Variants in MSN observed in about 807,000 individuals in gnomAD.
The protein encoded by MSN is moesin.
MSN carries 2 observed loss-of-function variants against 48.0 expected under a neutral mutation model. The observed-to-expected ratio is 0.04, with a 90% CI of 0.02 to 0.13. The LOEUF is 0.13. MSN is among the 10% of genes least tolerant of loss of function. The pLI, the probability that MSN is intolerant of heterozygous loss-of-function variation, is 1.00. For missense variants in MSN, 267 were observed against 470.1 expected, an observed-to-expected ratio of 0.57 and a Z score of 3.99; for synonymous variants, 146 against 166.9, an observed-to-expected ratio of 0.87 and a Z score of 0.97.
chrX:65,698,091 C>T (rs1210056891), intron 1 of MSN, among the ~76,000 whole-genome samples: 1 of 111,770 alleles, frequency 8.9e-6, no homozygotes, highest in African/African-American at 3.3e-5. Flanking sequence ...GGGCTGGGCC[C>T]CAGTCACAGG....
chrX:65,627,855 C>T (rs1352667859), intron 1 of MSN, among the ~76,000 whole-genome samples: 1 of 112,071 alleles, frequency 8.9e-6, no homozygotes, highest in East Asian at 2.8e-4. Context: ...AATGGTAGTA[C>T]AGGTATTGGG....
intron 1 of MSN, among the ~76,000 whole-genome samples, chrX:65,648,129 A>AG (rs2070708744): frequency 5.2e-5 from 3 of 57,277 alleles, no homozygotes; most frequent in African/African-American, 1.4e-4. Context: ...AAATGGCTGG[A>AG]GGGGGTGGGG....
At chrX:65,638,255 G>T (rs1247055797) in intron 1 of MSN, among the ~76,000 whole-genome samples, 1 of 112,262 alleles carries the variant, frequency 8.9e-6, no homozygotes, top group African/African-American at 3.2e-5. Flanking sequence ...TGGTCCCTCT[G>T]CCTAGAATGA....
chrX:65,654,251 G>A (rs1051762160), intron 1 of MSN, among the ~76,000 whole-genome samples: 9 of 107,668 alleles, frequency 8.4e-5, no homozygotes, highest in Non-Finnish European at 1.3e-4. Context: ...GACTACAGGC[G>A]CCCACCACCA....
At chrX:65,622,807 A>T (rs1279571561) in intron 1 of MSN, among the ~76,000 whole-genome samples, 2 of 111,626 alleles carry the variant, frequency 1.8e-5, no homozygotes, top group East Asian at 5.6e-4. Context: ...CACTGCTCCC[A>T]GTCAGCATCT....
chrX:65,623,488 A>G (rs1354736383), intron 1 of MSN, among the ~76,000 whole-genome samples: 1 of 109,439 alleles, frequency 9.1e-6, no homozygotes, highest in Non-Finnish European at 1.9e-5. Context: ...GAGTTTGAAA[A>G]TAATTGGCTT....
chrX:65,719,955 G>A (rs2071501303), intron 2 of MSN, among the ~76,000 whole-genome samples: 1 of 111,392 alleles, frequency 9.0e-6, no homozygotes, highest in Non-Finnish European at 1.9e-5. Context: ...GTGTGCTGTG[G>A]GTGTGGATTT....
intron 1 of MSN, among the ~76,000 whole-genome samples, chrX:65,656,383 A>G (rs2070781570): frequency 9.1e-6 from 1 of 110,036 alleles, no homozygotes; most frequent in Admixed American, 9.9e-5. Context: ...GTCTCCTAAC[A>G]GGATAAGTTG....
At chrX:65,608,948 A>C (rs1392085617) in intron 1 of MSN, among the ~76,000 whole-genome samples, 1 of 111,449 alleles carries the variant, frequency 9.0e-6, no homozygotes, top group Non-Finnish European at 1.9e-5. Context: ...AGAGCTCATT[A>C]AATGTCTACC....
chrX:65,676,637 G>A (rs773785301), intron 1 of MSN, among the ~76,000 whole-genome samples: 5 of 111,318 alleles, frequency 4.5e-5, no homozygotes, highest in African/African-American at 1.6e-4. Context: ...AGGCCTAGGA[G>A]GGGGAACAAG....
At chrX:65,719,061 T>C (rs1033794548) in intron 2 of MSN, among the ~76,000 whole-genome samples, 1 of 112,178 alleles carries the variant, frequency 8.9e-6, no homozygotes, top group Non-Finnish European at 1.9e-5. Flanking sequence ...TGTGCTTACA[T>C]TCACATAGCT....
At chrX:65,676,308 T>C (rs1347489538) in intron 1 of MSN, among the ~76,000 whole-genome samples, 1 of 112,169 alleles carries the variant, frequency 8.9e-6, no homozygotes, top group Non-Finnish European at 1.9e-5. Context: ...CTGATGCTCC[T>C]TTCAATCGGC....
chrX:65,642,988 G>A (rs779140827), intron 1 of MSN, among the ~76,000 whole-genome samples: 2 of 110,266 alleles, frequency 1.8e-5, no homozygotes, highest in East Asian at 2.9e-4. Flanking sequence ...CATCCCACTC[G>A]CTTCTCCCTT....
At chrX:65,659,109 G>T (rs2070803385) in intron 1 of MSN, among the ~76,000 whole-genome samples, 1 of 110,407 alleles carries the variant, frequency 9.1e-6, no homozygotes, top group African/African-American at 3.3e-5. Context: ...CTCCCAAAGT[G>T]CTGGGATTAC....
intron 1 of MSN, among the ~76,000 whole-genome samples, chrX:65,709,225 A>G (rs990469081): frequency 4.5e-5 from 5 of 111,681 alleles, no homozygotes; most frequent in African/African-American, 1.6e-4. Context: ...TAGTTTTCTG[A>G]GAAACCTCCA....
At chrX:65,715,717 G>T (rs150389534) in intron 1 of MSN, among the ~76,000 whole-genome samples, 1 of 111,574 alleles carries the variant, frequency 9.0e-6, no homozygotes, top group Non-Finnish European at 1.9e-5. Flanking sequence ...AGATTAAGGA[G>T]CTTTTGGGCC....
At chrX:65,671,188 TA>T (rs779659642) in intron 1 of MSN, among the ~76,000 whole-genome samples, 59 of 108,284 alleles carry the variant, frequency 5.4e-4, no homozygotes, top group African/African-American at 1.9e-3. Flanking sequence ...AAACTCATGT[TA>T]GGGGGAGACT....
upstream of MSN, among the ~76,000 whole-genome samples, chrX:65,665,141 G>A (rs2070857418): frequency 9.0e-6 from 1 of 111,503 alleles, no homozygotes; most frequent in African/African-American, 3.3e-5. Context: ...GGTTGGCATG[G>A]GAGGTGGGGA....
chrX:65,629,392 G>A (rs1372914328), intron 1 of MSN, among the ~76,000 whole-genome samples: 1 of 111,940 alleles, frequency 8.9e-6, no homozygotes, highest in Admixed American at 9.5e-5. Flanking sequence ...ACATTTTCCT[G>A]TCTTCTTCTG....
Sources: gnomAD v4.1 joint callset for allele counts (sites outside exome capture counted in the v4.1 genomes callset) on GRCh38, gnomAD v4.1.1 for gene constraint, MANE v1.5 for transcripts, NCBI Gene and HGNC (gene_info 2026-07-23, HGNC 2026-07-21) for gene names.